The following CFAP119 variants were observed in gnomAD, a reference collection of about 807,000 sequenced individuals.
The protein encoded by CFAP119 is cilia- and flagella-associated protein 119.
chr16:30,761,640 CA>C, the CFAP119 span: 1 of 1,536,096 alleles, frequency 6.5e-7, no homozygotes. Context: ...GCGGCCGACC[CA>C]TGCACTGAGC....
the CFAP119 span, chr16:30,759,142 G>GGCCCA: frequency 9.9e-6 from 16 of 1,614,038 alleles, no homozygotes; most frequent in South Asian, 3.3e-5. Flanking sequence ...CCCCAGGCCT[G>GGCCCA]GCCCAGCCCA....
At chr16:30,757,697 G>A in the CFAP119 span, 319 of 1,567,248 alleles carry the variant, frequency 2.0e-4, no homozygotes, top group African/African-American at 2.4e-3. Context: ...GAGAGATGCT[G>A]TCTGGCAATG....
chr16:30,760,072 T>A, the CFAP119 span: 1 of 1,532,568 alleles, frequency 6.5e-7, no homozygotes, highest in Non-Finnish European at 8.7e-7. Context: ...CATATATTAT[T>A]TCTCAGAACA....
At chr16:30,761,117 T>A in the CFAP119 span, 4 of 1,502,414 alleles carry the variant, frequency 2.7e-6, no homozygotes, top group Admixed American at 7.0e-5. Flanking sequence ...AAAATGGGGA[T>A]GCCCTGGCCA....
the CFAP119 span, chr16:30,761,745 GC>G: frequency 1.3e-6 from 2 of 1,522,040 alleles, no homozygotes; most frequent in East Asian, 4.9e-5. Context: ...TTGCGGTTGA[GC>G]ATCTCGCCGC....
the CFAP119 span, chr16:30,759,629 T>C: frequency 0.19 from 310,273 of 1,613,836 alleles, 33,450 homozygotes; most frequent in Non-Finnish European, 0.22. Context: ...GGGTAAAGTT[T>C]CCAGAATGTT....
At chr16:30,759,768 TCC>T in the CFAP119 span, 5 of 1,562,082 alleles carry the variant, frequency 3.2e-6, no homozygotes, top group Non-Finnish European at 4.3e-6. Flanking sequence ...CTCTCTGGTA[TCC>T]ATTCATTCAC....
At chr16:30,760,245 T>C in the CFAP119 span, 1 of 1,613,852 alleles carries the variant, frequency 6.2e-7, no homozygotes, top group South Asian at 1.1e-5. Context: ...CGGTTCCTCT[T>C]CTCCCTGGGG....
chr16:30,758,429 G>A, the CFAP119 span: 1 of 156,712 alleles, frequency 6.4e-6, no homozygotes, highest in Non-Finnish European at 1.4e-5. Flanking sequence ...ATGCAGGTTT[G>A]CTACGTAGGT....
the CFAP119 span, chr16:30,761,244 C>G: frequency 4.3e-6 from 7 of 1,613,562 alleles, no homozygotes; most frequent in African/African-American, 2.7e-5. Context: ...GGAAAGAAAG[C>G]GAATTGGGGA....
the CFAP119 span, chr16:30,759,019 T>C: frequency 6.2e-6 from 10 of 1,614,124 alleles, no homozygotes; most frequent in Non-Finnish European, 7.6e-6. Context: ...CACTTGGCTC[T>C]GGCTCTGGTG....
At chr16:30,760,851 T>C in the CFAP119 span, 2 of 638,718 alleles carry the variant, frequency 3.1e-6, no homozygotes, top group Non-Finnish European at 5.6e-6. Context: ...AGCCTCTCCA[T>C]TTCTAAAGCC....
the CFAP119 span, chr16:30,762,025 T>C: frequency 2.0e-6 from 1 of 496,690 alleles, no homozygotes; most frequent in East Asian, 3.5e-5. Context: ...AAGTTGCGAG[T>C]GCCCACCTGG....
the CFAP119 span, chr16:30,761,072 G>A: frequency 2.7e-6 from 3 of 1,091,284 alleles, no homozygotes; most frequent in African/African-American, 1.6e-5. Context: ...CAGTCACCTG[G>A]AGTAATTGCA....
chr16:30,760,720 G>A, the CFAP119 span: 4 of 1,486,944 alleles, frequency 2.7e-6, no homozygotes, highest in Non-Finnish European at 2.8e-6. Flanking sequence ...ATCATGACAA[G>A]GCTGTGACAG....
chr16:30,760,082 A>C, the CFAP119 span: 1 of 1,536,380 alleles, frequency 6.5e-7, no homozygotes, highest in Non-Finnish European at 8.7e-7. Flanking sequence ...TTCTCAGAAC[A>C]GTCCTGTAAA....
At chr16:30,760,739 T>A in the CFAP119 span, 1 of 1,415,344 alleles carries the variant, frequency 7.1e-7, no homozygotes, top group Non-Finnish European at 9.8e-7. Context: ...AGCTAGTGCG[T>A]GAGACTGGGA....
chr16:30,757,886 G>A, the CFAP119 span: 2 of 1,240,712 alleles, frequency 1.6e-6, no homozygotes, highest in Non-Finnish European at 2.1e-6. Context: ...GTAGCTGTGT[G>A]ACCTTAGGCA....
the CFAP119 span, chr16:30,757,570 A>G: frequency 1.2e-6 from 2 of 1,614,010 alleles, no homozygotes; most frequent in African/African-American, 2.7e-5. Flanking sequence ...GCTGGCCTTG[A>G]GCCGCTCCTC....
Sources: gnomAD v4.1 joint callset for allele counts on GRCh38, gnomAD v4.1.1 for gene constraint, MANE v1.5 for transcripts, NCBI Gene and HGNC (gene_info 2026-07-23, HGNC 2026-07-21) for gene names.